RPS19: variants seen among roughly 807,000 people sequenced by gnomAD.
RPS19 encodes the protein small ribosomal subunit protein eS19.
RPS19 carries 1 observed loss-of-function variant against 20.3 expected under a neutral mutation model. That is an observed-to-expected ratio of 0.05 (90% CI 0.02 to 0.23). The LOEUF is 0.23. RPS19 is among the 10% of genes least tolerant of loss of function. The pLI is 1.00. For synonymous variants in RPS19, 87 were observed against 74.8 expected (o/e 1.16, Z -0.84); for missense variants, 111 against 192.7 (o/e 0.58, Z 2.51).
At chr19:41,861,765 G>A (rs558161469) in intron 3 of RPS19, among the ~76,000 whole-genome samples, 15 of 152,190 alleles carry the variant, frequency 9.9e-5, no homozygotes, top group Non-Finnish European at 1.9e-4. Context: ...TCTCTAACAG[G>A]CTGTTTCTAA....
At chr19:41,870,977 C>T (rs1272767739) in intron 5 of RPS19, among the ~76,000 whole-genome samples, 1 of 146,674 alleles carries the variant, frequency 6.8e-6, no homozygotes, top group Non-Finnish European at 1.5e-5. Flanking sequence ...ATTCTCCTAT[C>T]TCAGCTTCCC....
intron 3 of RPS19, chr19:41,861,748 C>T (rs1555839337): frequency 5.8e-6 from 1 of 173,084 alleles, no homozygotes; most frequent in South Asian, 1.2e-4. Flanking sequence ...AGTTAGCCTT[C>T]TCCATATCTC....
rs782329429 is a variant in RPS19 at position 41,860,823 on chromosome 19, G to A, written c.49G>A (p.Ala17Thr). The change falls in exon 2 of 6, where the codon GCT becomes ACT. Residue 17 changes from alanine (A) to threonine (T), a missense_variant. Transcript: ENST00000598742. Reference sequence around the variant, plus strand: ...CGTGAACCAGCAGGAGTTCGTCAGAGCTCTGGCAGCCTTCCTCAAAAAGTG... The same window carrying A: ...CGTGAACCAGCAGGAGTTCGTCAGAACTCTGGCAGCCTTCCTCAAAAAGTG... The part of the protein sequence containing the change: ...KDVNQQEFVR[A>T]LAAFLKKSGK... The A allele has an allele frequency of 1.5e-5, 25 of 1,613,778 alleles. No homozygotes were observed. The highest frequency in any genetic ancestry group is 2.7e-5 in the African/African-American group (2 of 74,936).
At chr19:41,864,242 AATTGG>A (rs1254374602) in intron 3 of RPS19, 1 of 152,194 alleles carries the variant, frequency 6.6e-6, no homozygotes, top group Non-Finnish European at 1.5e-5. Flanking sequence ...GCAGCTGCTG[AATTGG>A]GATGTCTGGA....
At position 41,871,347 on chromosome 19, in the gene RPS19, A is replaced by G. The variant is rs782040948; in HGVS notation, c.412-4A>G. On this transcript the variant is annotated splice_polypyrimidine_tract_variant and splice_region_variant and intron_variant, in intron 5 of 5. Transcript: ENST00000598742. ...AACTTTTATTCTTCCATCTTTTCCC[A>G]CAGGTGGCAGCTGCCAACAAGAAGC... is the stretch of plus-strand genomic sequence containing the variant. 2 of 1,613,886 alleles carry G rather than the reference A, an allele frequency of 1.2e-6. No individual in the cohort carries two copies. Among genetic ancestry groups the G allele is most frequent in the South Asian group, 2.2e-5 (2 of 91,084 alleles).
At chr19:41,866,185 G>A (rs1480368691) in intron 3 of RPS19, among the ~76,000 whole-genome samples, 2 of 152,036 alleles carry the variant, frequency 1.3e-5, no homozygotes, top group African/African-American at 2.4e-5. Flanking sequence ...CCTGGGAGGC[G>A]GAGCTAGCAG....
chr19:41,861,332 T>G lies in RPS19; in HGVS notation c.172+120T>G, dbSNP rs1328704923. The G allele has an allele frequency of 4.1e-6, 3 of 736,130 alleles. No individual in the cohort carries two copies. In the African/African-American group the frequency reaches 5.2e-5, roughly 13 times the overall value. 45.6% of individuals were successfully genotyped at this position (736,130 alleles called of 1,614,324 possible). On this transcript the variant is annotated intron_variant, in intron 3 of 5. Coordinates refer to ENST00000598742, the MANE Select transcript of RPS19 (RefSeq NM_001022.4). ...CAAGAGGGAGAGAAACCCTTGGTTGTGTCACCACTTGCTTTGTGTGATGTG... is the reference window on the plus strand; with the variant it reads ...CAAGAGGGAGAGAAACCCTTGGTTGGGTCACCACTTGCTTTGTGTGATGTG...
intron 2 of RPS19, 61 bp downstream of exon 2, chr19:41,860,906 A>C: frequency 6.9e-7 from 1 of 1,454,610 alleles, no homozygotes; most frequent in Non-Finnish European, 9.6e-7. Context: ...TGCCCATCTG[A>C]GCCCCAGTGT....
chr19:41,872,003 A>G lies in RPS19; in HGVS notation c.*626A>G, dbSNP rs1555842142. The G allele has an allele frequency of 6.5e-6, 1 of 154,990 alleles. No homozygotes were observed. Among genetic ancestry groups the G allele is most frequent in the East Asian group, 1.9e-4 (1 of 5,244 alleles). 9.6% of individuals were successfully genotyped at this position (154,990 alleles called of 1,614,324 possible). On this transcript the variant is annotated 3_prime_UTR_variant, in exon 6 of 6. Coordinates refer to ENST00000598742, the MANE Select transcript of RPS19 (RefSeq NM_001022.4). ...TGGGCCTGGGGCCTGCACAGGCTGA[A>G]TGGTCCTTGAGCCTTCACTCTGCAT...
chr19:41,861,482 G>T, intron 3 of RPS19: 4 of 483,782 alleles, frequency 8.3e-6, no homozygotes, highest in Non-Finnish European at 1.1e-5. Context: ...GCTTACAGGT[G>T]GTTTAATCCT....
chr19:41,867,065 C>G (rs1208857332), intron 3 of RPS19, among the ~76,000 whole-genome samples: 1 of 151,628 alleles, frequency 6.6e-6, no homozygotes, highest in Non-Finnish European at 1.5e-5. Flanking sequence ...CACCTGTAAT[C>G]CCAGCACTTT....
intron 3 of RPS19, among the ~76,000 whole-genome samples, chr19:41,867,378 A>T (rs2074101709): frequency 6.6e-6 from 1 of 152,160 alleles, no homozygotes; most frequent in African/African-American, 2.4e-5. Context: ...ATCTTGGCTA[A>T]CTGCAACCTC....
chr19:41,869,658 C>T, intron 4 of RPS19, 41 bp from the exon 5 acceptor site: 6 of 1,607,078 alleles, frequency 3.7e-6, no homozygotes, highest in Non-Finnish European at 5.1e-6. Flanking sequence ...AGAACAGGAC[C>T]TGTGCTCACT....
intron 3 of RPS19, among the ~76,000 whole-genome samples, chr19:41,862,657 TG>T (rs1255607310): frequency 6.8e-6 from 1 of 147,296 alleles, no homozygotes; most frequent in African/African-American, 2.6e-5. Flanking sequence ...TTTTTTAACA[TG>T]GGGAGGGATT....
chr19:41,871,505 C>T lies in RPS19; in HGVS notation c.*128C>T, dbSNP rs2074149464. On this transcript the variant is annotated 3_prime_UTR_variant, in exon 6 of 6. Coordinates refer to ENST00000598742, the MANE Select transcript of RPS19 (RefSeq NM_001022.4). ...CATCTCAGCTCACTGCAATCTCCGC[C>T]TTCTGGGTTCAAATGATTCTCCTGC... 8.8e-6 allele frequency: 7 copies of T among 798,754 alleles called. No individual in the cohort carries two copies. Among genetic ancestry groups the T allele is most frequent in the Non-Finnish European group, 1.5e-5 (7 of 465,576 alleles). The allele number at this position is 798,754 out of a possible 1,614,324, so 49.5% of individuals were successfully genotyped here.
intron 3 of RPS19, among the ~76,000 whole-genome samples, chr19:41,866,708 A>G (rs1319276325): frequency 6.6e-6 from 1 of 152,174 alleles, no homozygotes; most frequent in Non-Finnish European, 1.5e-5. Context: ...CACCCTTACT[A>G]TAAAATGGTG....
At chr19:41,860,647 G>A (rs61761220) in intron 1 of RPS19, 128 bp from the exon 2 acceptor site, 2 of 807,870 alleles carry the variant, frequency 2.5e-6, no homozygotes, top group South Asian at 1.3e-5. Flanking sequence ...GCGTTGAAGG[G>A]GCCGTGGGAA....
chr19:41,866,443 ACT>A (rs1314113204), intron 3 of RPS19, among the ~76,000 whole-genome samples: 1 of 151,722 alleles, frequency 6.6e-6, no homozygotes, highest in East Asian at 1.9e-4. Context: ...CAGTGATGTC[ACT>A]CTCTGGCAGG....
At chr19:41,860,715 C>A (rs1324386436) in intron 1 of RPS19, 60 bp from the exon 2 acceptor site, 7 of 1,237,964 alleles carry the variant, frequency 5.7e-6, no homozygotes, top group South Asian at 1.2e-5. Context: ...GGGTGGGGTC[C>A]GTGCTCTTGG....
Sources: allele counts gnomAD v4.1 joint callset (sites outside exome capture counted in the v4.1 genomes callset), GRCh38; gene constraint gnomAD v4.1.1; transcripts MANE v1.5; gene names NCBI Gene and HGNC (gene_info 2026-07-23, HGNC 2026-07-21).